The following UNC45B variants were observed in gnomAD, a reference collection of about 807,000 sequenced individuals.
UNC45B encodes the protein unc-45 myosin chaperone B, also known as protein unc-45 homolog B.
UNC45B carries 78 observed loss-of-function variants against 98.7 expected under a neutral mutation model. The ratio of observed to expected loss-of-function variants is 0.79; its 90% CI spans 0.66 to 0.95. The LOEUF is 0.95. Among genes scored for constraint, UNC45B ranks in the 40% least tolerant of loss-of-function variants. The pLI is 0.00. For synonymous variants in UNC45B, 462 were observed against 480.4 expected (o/e 0.96, Z 0.50); for missense variants, 1,225 against 1,184.9 (o/e 1.03, Z -0.50).
chr17:35,150,685 G>T (rs2092011032), intron 4 of UNC45B, among the ~76,000 whole-genome samples: 1 of 152,112 alleles, frequency 6.6e-6, no homozygotes, highest in South Asian at 2.1e-4. Flanking sequence ...GGAGGTGGAG[G>T]TTGCAGTGAG....
chr17:35,180,993 C>A (rs1048382523), intron 18 of UNC45B, among the ~76,000 whole-genome samples: 4 of 152,044 alleles, frequency 2.6e-5, no homozygotes, highest in African/African-American at 9.7e-5. Flanking sequence ...GGATATGAGA[C>A]CAGGGCCTCT....
At chr17:35,171,222 G>A (rs1193745230) in intron 12 of UNC45B, 100 bp from the exon 13 acceptor site, 38 of 1,502,974 alleles carry the variant, frequency 2.5e-5, no homozygotes, top group Admixed American at 7.5e-5. Context: ...GCACTCCTCC[G>A]ACACCAACCT....
intron 9 of UNC45B, among the ~76,000 whole-genome samples, chr17:35,165,439 T>C (rs1047953495): frequency 7.9e-5 from 12 of 152,134 alleles, no homozygotes; most frequent in African/African-American, 2.9e-4. Context: ...CTTGACTCGG[T>C]AGTTTGGGGT....
At chr17:35,153,353 T>C (rs1246743836) in intron 5 of UNC45B, among the ~76,000 whole-genome samples, 1 of 152,220 alleles carries the variant, frequency 6.6e-6, no homozygotes, top group African/African-American at 2.4e-5. Context: ...CTGGCCTCAC[T>C]ATAATTTCGG....
intron 7 of UNC45B, among the ~76,000 whole-genome samples, chr17:35,157,450 C>T (rs943582298): frequency 2.0e-5 from 3 of 152,150 alleles, no homozygotes; most frequent in African/African-American, 4.8e-5. Context: ...GATCCGCCCG[C>T]CTCTGCCTCC....
At chr17:35,186,185 C>T (rs1421094402) in intron 19 of UNC45B, 114 bp from the exon 20 acceptor site, 1 of 1,385,678 alleles carries the variant, frequency 7.2e-7, no homozygotes, top group Non-Finnish European at 9.9e-7. Context: ...ACCTAATTAC[C>T]TCTTAAAGGA....
At chr17:35,160,732 C>T (rs144793223) in intron 8 of UNC45B, among the ~76,000 whole-genome samples, 4 of 152,338 alleles carry the variant, frequency 2.6e-5, no homozygotes, top group Admixed American at 6.5e-5. Flanking sequence ...GCCATGGCAC[C>T]GGGCCAAGAT....
Position 35,171,437 on chromosome 17 carries a change from A to C in UNC45B, c.1805A>C (p.Gln602Pro). The change falls in exon 13 of 20, where the codon CAG (glutamine) becomes CCG (proline). Residue 602 changes from glutamine (Q) to proline (P), a missense_variant. By Grantham distance (76) the Gln-to-Pro change is moderately conservative. Transcript: ENST00000394570. ...GTCCAGCTCGCCAAGTTCTCCAAGC[A>C]GCATGTGCCCGAGGAACACCCCAAG... ...ELVQLAKFSKQHVPEEHPKDK... is the reference protein window; with the variant it reads ...ELVQLAKFSKPHVPEEHPKDK... 1 of 1,614,162 alleles carries C rather than the reference A, an allele frequency of 6.2e-7. No individual in the cohort carries two copies. The highest frequency in any genetic ancestry group is 8.5e-7 in the Non-Finnish European group (1 of 1,180,010).
chr17:35,171,265 A>T (rs1340187569), intron 12 of UNC45B, 57 bp from the exon 13 acceptor site: 1 of 1,589,370 alleles, frequency 6.3e-7, no homozygotes. Context: ...CTGGAAGCAG[A>T]GGTTTGTCCT....
At chr17:35,176,689 A>C (rs1212443220) in intron 15 of UNC45B, among the ~76,000 whole-genome samples, 1 of 152,238 alleles carries the variant, frequency 6.6e-6, no homozygotes, top group South Asian at 2.1e-4. Flanking sequence ...TCAAAAAAAC[A>C]AAACAAAACA....
In UNC45B at chr17:35,168,296, G is replaced by A. The variant is rs769938971; in HGVS notation, c.1387G>A (p.Val463Met). Residue 463 changes from valine to methionine, a missense_variant, in exon 10 of 20, where the codon GTG becomes ATG. Physicochemically the swap from Val to Met is conservative, Grantham distance 21 (BLOSUM62 1). Coordinates refer to ENST00000394570, the MANE Select transcript of UNC45B (RefSeq NM_001267052.2). ...SRATFIITNG[V>M]SLLKQIYKTT... ...CGCCACCTTCATCATCACCAATGGA[G>A]TGTCACTGCTCAAACAGATCTACAA... is the stretch of plus-strand genomic sequence containing the variant. 4 of 1,488,298 alleles carry A rather than the reference G, an allele frequency of 2.7e-6. No homozygotes were observed. The highest frequency in any genetic ancestry group is 4.3e-5 in the Admixed American group (2 of 46,016). The allele number at this position is 1,488,298 out of a possible 1,614,324, so 92.2% of individuals were successfully genotyped here. A position where few individuals can be genotyped will look rare whatever the true frequency, so the allele number is the denominator to read the frequency against.
At position 35,154,601 on chromosome 17, in the gene UNC45B, C is replaced by A; in HGVS notation, c.499C>A (p.Arg167Ser). ...TGCCAACAATCTCATTGTCCTAGGCCGTGAGGAAGCAGGGGCTGAGAAGAT... is the reference window on the plus strand; with the variant it reads ...TGCCAACAATCTCATTGTCCTAGGCAGTGAGGAAGCAGGGGCTGAGAAGAT... The part of the protein sequence containing the change: ...KAANNLIVLG[R>S]EEAGAEKIFQ... Residue 167 changes from arginine to serine, a missense_variant, in exon 6 of 20, where the codon CGT (arginine) becomes AGT (serine). Physicochemically the swap from Arg to Ser is moderately radical, Grantham distance 110 (BLOSUM62 -1). Coordinates refer to ENST00000394570, the MANE Select transcript of UNC45B (RefSeq NM_001267052.2). The A allele has an allele frequency of 2.5e-6, 4 of 1,613,552 alleles. No individual in the cohort carries two copies. Among genetic ancestry groups the A allele is most frequent in the South Asian group, 1.1e-5 (1 of 90,936 alleles).
chr17:35,155,067 G>A (rs1395522363), intron 6 of UNC45B, among the ~76,000 whole-genome samples: 1 of 152,252 alleles, frequency 6.6e-6, no homozygotes, highest in Non-Finnish European at 1.5e-5. Context: ...ACGGCCCCAT[G>A]TGGCCGGTGG....
At chr17:35,153,065 C>G in intron 5 of UNC45B, 83 bp downstream of exon 5, 2 of 1,220,082 alleles carry the variant, frequency 1.6e-6, no homozygotes, top group Admixed American at 2.1e-5. Context: ...GAAGGGGGAC[C>G]GGAGGCCTGT....
intron 8 of UNC45B, among the ~76,000 whole-genome samples, chr17:35,160,897 C>A (rs1050270166): frequency 1.3e-5 from 2 of 152,232 alleles, no homozygotes; most frequent in African/African-American, 4.8e-5. Context: ...TTTTATGACA[C>A]ACAGACTATA....
chr17:35,152,925 A>G lies in UNC45B; in HGVS notation c.414A>G (p.Val138=), dbSNP rs143594372. The G allele has an allele frequency of 5.6e-6, 9 of 1,614,096 alleles. No homozygotes were observed. The highest frequency in any genetic ancestry group is 1.1e-5 in the South Asian group (1 of 91,070). The part of the protein sequence containing the change: ...LRVQFSTDSR[V]QKMFEILLDE... ...TGCAGTTCTCCACAGACTCGAGGGT[A>G]CAGAAGATGTTTGAGATCCTCTTGG... The change falls in exon 5 of 20, where the codon GTA becomes GTG. Residue 138 remains valine (V), a synonymous_variant. Transcript: ENST00000394570.
At chr17:35,175,074 A>AGAAG (rs776361891) in intron 14 of UNC45B, among the ~76,000 whole-genome samples, 23 of 121,910 alleles carry the variant, frequency 1.9e-4, no homozygotes, top group South Asian at 8.4e-4. Context: ...AAAGAAAGAA[A>AGAAG]GAAAGAAAGA....
At chr17:35,172,846 A>G (rs954225850) in intron 13 of UNC45B, among the ~76,000 whole-genome samples, 1 of 152,030 alleles carries the variant, frequency 6.6e-6, no homozygotes, top group African/African-American at 2.4e-5. Flanking sequence ...CAATATACGC[A>G]TCATTTAGTC....
Position 35,148,431 on chromosome 17 carries a change from G to A in UNC45B, c.168G>A (p.Thr56=), listed in dbSNP as rs755023722. Residue 56 remains threonine (T), a splice_region_variant and synonymous_variant, in exon 2 of 20, where the codon ACG becomes ACA. Transcript: ENST00000394570. ...ACCGGGCAGCCTGTGGCCTGAAAAC[G>A]GTCTGGGGCAGGGCAGGGCACAGGG... ...YRNRAACGLK[T]ESYVQAASDA... is the part of the protein sequence containing the mutation. 5 of 1,613,498 alleles carry A rather than the reference G, an allele frequency of 3.1e-6. No individual in the cohort carries two copies. Among genetic ancestry groups the A allele is most frequent in the Admixed American group, 3.3e-5 (2 of 59,996 alleles).
Sources: gnomAD v4.1 joint callset for allele counts (sites outside exome capture counted in the v4.1 genomes callset) on GRCh38, gnomAD v4.1.1 for gene constraint, MANE v1.5 for transcripts, NCBI Gene and HGNC (gene_info 2026-07-23, HGNC 2026-07-21) for gene names.